SYCE1L: variants seen among roughly 807,000 people sequenced by gnomAD.
SYCE1L encodes synaptonemal complex central element protein 1-like.
Under a neutral mutation model 39.6 loss-of-function variants are expected in SYCE1L, and 51 were observed. The ratio of observed to expected loss-of-function variants is 1.29; its 90% CI spans 1.03 to 1.63. The LOEUF (loss-of-function observed/expected upper bound fraction) is 1.63. Among genes scored for constraint, SYCE1L ranks in the 40% most tolerant of loss-of-function variants. SYCE1L has a pLI of 0.00. For missense variants in SYCE1L, 426 were observed against 304.9 expected (o/e 1.40, Z -2.96); for synonymous variants, 147 against 122.4 (o/e 1.20, Z -1.33).
intron 5 of SYCE1L, 55 bp from the exon 6 acceptor site, chr16:77,209,362 C>G: frequency 6.5e-7 from 1 of 1,544,840 alleles, no homozygotes; most frequent in Non-Finnish European, 8.8e-7. Context: ...TTACCTCTGG[C>G]CAACCCTGAC....
intron 1 of SYCE1L, chr16:77,201,566 C>G (rs574676094): frequency 6.6e-6 from 1 of 152,242 alleles, no homozygotes; most frequent in African/African-American, 2.4e-5. Context: ...GTATTTTTAG[C>G]ATCTAAAATG....
chr16:77,199,437 G>C lies in SYCE1L; in HGVS notation c.-15G>C. The C allele has an allele frequency of 6.4e-7, 1 of 1,551,456 alleles. No homozygotes were observed. ...GTCATCAAGCGAGGCTCGCGCGCAG[G>C]CCCCGCGTTGGAAAATGGCGGGGAA... On this transcript the variant is annotated 5_prime_UTR_variant, in exon 1 of 11. Coordinates refer to ENST00000378644, the MANE Select transcript of SYCE1L (RefSeq NM_001129979.3).
In SYCE1L at chr16:77,209,078, G is replaced by A. The variant is rs199801406; in HGVS notation, c.257-19G>A. The A allele has an allele frequency of 3.9e-6, 6 of 1,551,594 alleles. No homozygotes were observed. In the African/African-American group the frequency reaches 8.2e-5, roughly 21 times the overall value. ...GCAATGGGGTGCCTGGAGGCAGAAA[G>A]TGTCATTGTGTTTTCCAGTGAATGG... On this transcript the variant is annotated intron_variant, in intron 4 of 10. Transcript: ENST00000378644.
chr16:77,199,579 C>A, intron 1 of SYCE1L, 67 bp downstream of exon 1: 1 of 1,199,934 alleles, frequency 8.3e-7, no homozygotes, highest in Non-Finnish European at 1.2e-6. Context: ...AGGATTCGTC[C>A]CATTACAATA....
At chr16:77,203,223 C>G (rs575996351) in intron 1 of SYCE1L, among the ~76,000 whole-genome samples, 1 of 152,106 alleles carries the variant, frequency 6.6e-6, no homozygotes, top group Non-Finnish European at 1.5e-5. Flanking sequence ...GTGTTGTCAC[C>G]GAACTGCTGG....
At chr16:77,207,120 G>T (rs1030193405) in intron 2 of SYCE1L, among the ~76,000 whole-genome samples, 2 of 152,166 alleles carry the variant, frequency 1.3e-5, no homozygotes, top group African/African-American at 2.4e-5. Context: ...AAATTGCAGG[G>T]CTAGAAATGC....
rs1555502740 is a variant in SYCE1L at position 77,205,056 on chromosome 16, A to AAAAAGAAAAG, written c.62-1380_62-1371dup. Reference sequence around the variant, plus strand: ...CGAGACTCCATCTCAAAAAAAAAAAAAAAAGAAAAGAAAAAGATAATGTGG... The same window carrying AAAAAGAAAAG: ...CGAGACTCCATCTCAAAAAAAAAAAAAAAAGAAAAGAAAAGAAAAGAAAAAGATAATGTGG... On this transcript the variant is annotated intron_variant, in intron 1 of 10. Coordinates refer to ENST00000378644, the MANE Select transcript of SYCE1L (RefSeq NM_001129979.3). Among the ~76,000 whole-genome samples, 370 of 140,620 alleles carry AAAAAGAAAAG rather than the reference A, an allele frequency of 2.6e-3. 6 individuals are homozygous for AAAAAGAAAAG. Among genetic ancestry groups the AAAAAGAAAAG allele is most frequent in the Middle Eastern group, 0.012 (3 of 254 alleles). The allele number at this position is 140,620 out of a possible 152,430, so 92.3% of individuals were successfully genotyped here. A position where few individuals can be genotyped will look rare whatever the true frequency, so the allele number is the denominator to read the frequency against.
intron 1 of SYCE1L, among the ~76,000 whole-genome samples, chr16:77,204,265 G>T (rs61429946): frequency 0.047 from 7,188 of 152,250 alleles, 537 homozygotes; most frequent in African/African-American, 0.16. Flanking sequence ...AAAGAATAAT[G>T]TACAAGGATG....
Position 77,199,431 on chromosome 16 carries a change from G to A in SYCE1L, c.-21G>A. On this transcript the variant is annotated 5_prime_UTR_variant, in exon 1 of 11. Transcript: ENST00000378644. ...TAACCAGTCATCAAGCGAGGCTCGC[G>A]CGCAGGCCCCGCGTTGGAAAATGGC... 2 of 1,551,322 alleles carry A rather than the reference G, an allele frequency of 1.3e-6. 1 individual carries two copies. Among genetic ancestry groups the A allele is most frequent in the South Asian group, 2.4e-5 (2 of 84,036 alleles).
chr16:77,210,498 C>G (rs1241490533), intron 6 of SYCE1L, among the ~76,000 whole-genome samples: 1 of 152,144 alleles, frequency 6.6e-6, no homozygotes, highest in African/African-American at 2.4e-5. Context: ...ATTTATGTAC[C>G]TAATCCTCAC....
intron 1 of SYCE1L, among the ~76,000 whole-genome samples, chr16:77,203,399 T>A (rs1597382183): frequency 7.1e-6 from 1 of 140,350 alleles, no homozygotes; most frequent in African/African-American, 2.5e-5. Flanking sequence ...TAATACATAC[T>A]AATTTATAAA....
intron 1 of SYCE1L, among the ~76,000 whole-genome samples, chr16:77,203,713 G>A (rs1048505560): frequency 6.7e-6 from 1 of 150,278 alleles, no homozygotes; most frequent in Non-Finnish European, 1.5e-5. Flanking sequence ...TCCTGCCTCA[G>A]CCTCCCAAGT....
rs775701693 is a variant in SYCE1L, at chr16:77,208,246, G to T, written c.158G>T (p.Ser53Ile). ...SLEPQIEDLISRINDLQQAKK... is the reference protein window; with the variant it reads ...SLEPQIEDLIIRINDLQQAKK... ...GAGCCACAGATAGAGGACCTGATTA[G>T]CCGGATTAATGATCTTCAGCAAGGT... The change falls in exon 3 of 11, where the codon AGC becomes ATC. Residue 53 changes from serine to isoleucine, a missense_variant. Ser to Ile is a moderately radical substitution (Grantham distance 142, BLOSUM62 -2). Coordinates refer to ENST00000378644, the MANE Select transcript of SYCE1L (RefSeq NM_001129979.3). 6.4e-7 allele frequency: 1 copy of T among 1,551,690 alleles called. No individual in the cohort carries two copies. The highest frequency in any genetic ancestry group is 1.2e-5 in the South Asian group (1 of 84,058).
In SYCE1L at chr16:77,208,266, CA is replaced by C. The variant is rs1481778036; in HGVS notation, c.180del (p.Ala61GlnfsTer9). 16 of 1,551,522 alleles carry C rather than the reference CA, an allele frequency of 1.0e-5. No homozygotes were observed. Among genetic ancestry groups the C allele is most frequent in the Non-Finnish European group, 1.4e-5 (16 of 1,146,996 alleles). On this transcript the variant is annotated frameshift_variant and splice_region_variant, in exon 3 of 11. Transcript: ENST00000378644. LOFTEE classifies it high-confidence loss of function. ...GATTAGCCGGATTAATGATCTTCAGCAAGGTAAACTTGGGGACTTAGACTGG... is the reference window on the plus strand; with the variant it reads ...GATTAGCCGGATTAATGATCTTCAGCAGGTAAACTTGGGGACTTAGACTGG... ...DLISRINDLQ[Q>X]AKKKSSEELR... is the part of the protein sequence containing the mutation.
intron 2 of SYCE1L, among the ~76,000 whole-genome samples, chr16:77,207,193 T>C (rs1182241823): frequency 6.6e-6 from 1 of 152,168 alleles, no homozygotes; most frequent in Non-Finnish European, 1.5e-5. Context: ...TCAGTCATAA[T>C]CAGCACCGTG....
At chr16:77,200,291 T>TATATATATATATATACACACACAC in intron 1 of SYCE1L, 8 of 111,416 alleles carry the variant, frequency 7.2e-5, no homozygotes, top group African/African-American at 2.7e-4. Flanking sequence ...TATATATATA[T>TATATATATATATATACACACACAC]ACACACACTA....
Position 77,212,142 on chromosome 16 carries a change from C to A in SYCE1L, c.436C>A (p.Arg146=). The part of the protein sequence containing the change: ...DLWEFHMLEQ[R]LAREIRALER... ...TTTGTCCTCGCAGATGCTGGAGCAG[C>A]GACTGGCCCGGGAGATCCGTGCCCT... is the stretch of plus-strand genomic sequence containing the variant. Residue 146 remains arginine (R), a synonymous_variant, in exon 8 of 11, where the codon CGA becomes AGA. Coordinates refer to ENST00000378644, the MANE Select transcript of SYCE1L (RefSeq NM_001129979.3). 6.5e-7 allele frequency: 1 copy of A among 1,548,436 alleles called. No individual in the cohort carries two copies. The highest frequency in any genetic ancestry group is 8.7e-7 in the Non-Finnish European group (1 of 1,146,178).
Position 77,209,460 on chromosome 16 carries a change from C to T in SYCE1L, c.348C>T (p.Ser116=), listed in dbSNP as rs374126372. The change falls in exon 6 of 11, where the codon AGC becomes AGT. Residue 116 remains serine (S), a synonymous_variant. Transcript: ENST00000378644. ...AGATGCACTGCCAAGAGAAGGAAAG[C>T]GAGGCTCAGAGGTAAGAGGCCCTGC... The part of the protein sequence containing the change: ...ILQMHCQEKE[S]EAQRLDVRGQ... The T allele has an allele frequency of 1.3e-5, 20 of 1,551,714 alleles. No homozygotes were observed. The East Asian group carries it at 1.5e-4, about 11-fold the overall frequency.
intron 1 of SYCE1L, chr16:77,201,221 A>ATAC (rs1231108776): frequency 1.3e-5 from 2 of 152,252 alleles, no homozygotes; most frequent in African/African-American, 4.8e-5. Context: ...TTAGAGGCAC[A>ATAC]TACTAAGTGC....
Sources: gnomAD v4.1 joint callset for allele counts (sites outside exome capture counted in the v4.1 genomes callset) on GRCh38, gnomAD v4.1.1 for gene constraint, MANE v1.5 for transcripts, NCBI Gene and HGNC (gene_info 2026-07-23, HGNC 2026-07-21) for gene names.